Variants in ARSB observed in about 807,000 individuals in gnomAD.
The protein encoded by ARSB is arylsulfatase B, also known as N-acetylgalactosamine-4-sulfatase.
ARSB carries 41 observed loss-of-function variants against 50.9 expected under a neutral mutation model. The ratio of observed to expected loss-of-function variants is 0.81; its 90% CI spans 0.63 to 1.04. The LOEUF is 1.04. Among genes scored for constraint, ARSB ranks in the 50% least tolerant of loss-of-function variants. ARSB has a pLI of 0.00. For missense variants in ARSB, 672 were observed against 693.3 expected, an observed-to-expected ratio of 0.97 and a Z score of 0.35; for synonymous variants, 269 against 284.8, an observed-to-expected ratio of 0.94 and a Z score of 0.56.
chr5:78,820,017 A>C (rs542358241), intron 6 of ARSB, among the ~76,000 whole-genome samples: 1 of 152,238 alleles, frequency 6.6e-6, no homozygotes. Context: ...CTCCACCCTC[A>C]TGGATAGGAT....
Position 78,780,425 on chromosome 5 carries a change from G to A in ARSB, c.1574C>T (p.Ala525Val). The stretch of plus-strand genomic sequence containing the variant: ...CATCCAAGGGCCCCACACCCCAGTG[G>A]CCTTGGGATCACAGCGGGGGTCCTG... ...PAQDPRCDPK[A>V]TGVWGPWM Residue 525 changes from alanine to valine, a missense_variant, in exon 8 of 8, where the codon GCC becomes GTC. By Grantham distance (64) the Ala-to-Val change is moderately conservative (BLOSUM62 0). Transcript: ENST00000264914. 1 of 1,614,178 alleles carries A rather than the reference G, an allele frequency of 6.2e-7. No individual in the cohort carries two copies. Among genetic ancestry groups the A allele is most frequent in the Non-Finnish European group, 8.5e-7 (1 of 1,180,024 alleles).
chr5:78,834,633 A>G lies in ARSB; in HGVS notation c.1213+4723T>C, dbSNP rs1345266753. Among the ~76,000 whole-genome samples, 70 of 130,670 alleles carry G rather than the reference A, an allele frequency of 5.4e-4. 1 individual carries two copies. Among genetic ancestry groups the G allele is most frequent in the African/African-American group, 1.4e-3 (40 of 29,020 alleles). The allele number at this position is 130,670 out of a possible 152,430, so 85.7% of individuals were successfully genotyped here. ...TATATATATATATATATATATATAT[A>G]TATATATATATATGCCACATTTTGT... is the stretch of plus-strand genomic sequence containing the variant. On this transcript the variant is annotated intron_variant, in intron 6 of 7. Transcript: ENST00000264914.
At chr5:78,897,774 T>C (rs337878) in intron 4 of ARSB, among the ~76,000 whole-genome samples, 90,940 of 151,672 alleles carry the variant, frequency 0.6, 28,676 homozygotes, top group East Asian at 0.98. Flanking sequence ...ATCTAAAATA[T>C]ATTCTATAAA....
intron 6 of ARSB, chr5:78,816,189 C>G: frequency 1.2e-6 from 2 of 1,613,076 alleles, no homozygotes; most frequent in Non-Finnish European, 1.7e-6. Flanking sequence ...GACTGCATTT[C>G]TAGTCCAGGA....
intron 4 of ARSB, among the ~76,000 whole-genome samples, chr5:78,940,859 A>G (rs1750879956): frequency 6.6e-6 from 1 of 152,168 alleles, no homozygotes; most frequent in African/African-American, 2.4e-5. Context: ...CATTGAATCT[A>G]TAAATTACCT....
intron 5 of ARSB, among the ~76,000 whole-genome samples, chr5:78,859,468 T>C (rs745620217): frequency 4.6e-5 from 7 of 152,156 alleles, no homozygotes; most frequent in African/African-American, 7.2e-5. Context: ...TATGCCTTTC[T>C]TCCAATTTCC....
intron 5 of ARSB, among the ~76,000 whole-genome samples, chr5:78,852,650 G>A (rs1358307823): frequency 1.3e-5 from 2 of 152,156 alleles, no homozygotes; most frequent in African/African-American, 4.8e-5. Context: ...CCTGCAGAGT[G>A]TTTTCCAACT....
intron 4 of ARSB, among the ~76,000 whole-genome samples, chr5:78,911,048 G>A (rs73113967): frequency 6.6e-6 from 1 of 152,220 alleles, no homozygotes; most frequent in African/African-American, 2.4e-5. Flanking sequence ...AGTGTCAAGT[G>A]TGGTTGAATG....
At chr5:78,927,230 T>A (rs1185905403) in intron 4 of ARSB, among the ~76,000 whole-genome samples, 1 of 152,240 alleles carries the variant, frequency 6.6e-6, no homozygotes, top group Non-Finnish European at 1.5e-5. Context: ...CATTTCAATA[T>A]GTAATTCATA....
At chr5:78,863,009 C>G (rs996575145) in intron 5 of ARSB, among the ~76,000 whole-genome samples, 3 of 152,190 alleles carry the variant, frequency 2.0e-5, no homozygotes, top group Non-Finnish European at 2.9e-5. Context: ...GAAAAAAATG[C>G]TCATCATCAC....
intron 4 of ARSB, among the ~76,000 whole-genome samples, chr5:78,923,933 G>T (rs1204924384): frequency 6.6e-6 from 1 of 152,154 alleles, no homozygotes; most frequent in Non-Finnish European, 1.5e-5. Context: ...AGGTTCCAAG[G>T]CCTGCCCAGC....
At chr5:78,873,589 G>A (rs912424506) in intron 5 of ARSB, among the ~76,000 whole-genome samples, 40 of 135,298 alleles carry the variant, frequency 3.0e-4, no homozygotes, top group South Asian at 9.5e-4. Flanking sequence ...TCCGCCTCCC[G>A]GGTTCACGCC....
intron 6 of ARSB, among the ~76,000 whole-genome samples, chr5:78,800,001 T>G (rs1022110954): frequency 6.6e-6 from 1 of 152,018 alleles, no homozygotes. Flanking sequence ...AAACCCAGAG[T>G]TGGCTTTCTG....
chr5:78,976,092 C>T (rs954020073), intron 1 of ARSB, among the ~76,000 whole-genome samples: 5 of 151,764 alleles, frequency 3.3e-5, no homozygotes, highest in African/African-American at 4.8e-5. Context: ...AATATAAAAT[C>T]GATTTTCTCA....
chr5:78,871,319 C>T (rs965791075), intron 5 of ARSB, among the ~76,000 whole-genome samples: 4 of 152,014 alleles, frequency 2.6e-5, no homozygotes, highest in Non-Finnish European at 2.9e-5. Context: ...AAACTACTTT[C>T]AAGTTCATAT....
At chr5:78,853,484 G>A (rs1745956551) in intron 5 of ARSB, among the ~76,000 whole-genome samples, 1 of 152,226 alleles carries the variant, frequency 6.6e-6, no homozygotes. Flanking sequence ...GTGCCTCCCG[G>A]TTAGGTTGCT....
chr5:78,816,879 C>G (rs1385804182), intron 6 of ARSB: 1 of 155,686 alleles, frequency 6.4e-6, no homozygotes, highest in East Asian at 1.9e-4. Context: ...GGTTCTTCTG[C>G]AAAGCCTCCA....
intron 5 of ARSB, among the ~76,000 whole-genome samples, chr5:78,841,158 ACTACTAC>A (rs1178360534): frequency 4.6e-4 from 62 of 135,964 alleles, no homozygotes; most frequent in Admixed American, 1.0e-3. Flanking sequence ...TACTACTACT[ACTACTAC>A]TACTAATAAT....
chr5:78,985,560 TAA>T, upstream of ARSB: 2 of 194,066 alleles, frequency 1.0e-5, no homozygotes, highest in Non-Finnish European at 2.1e-5. Context: ...TGTGGTTTCC[TAA>T]AAAAAAAAGA....
Sources: gnomAD v4.1 joint callset for allele counts (sites outside exome capture counted in the v4.1 genomes callset) on GRCh38, gnomAD v4.1.1 for gene constraint, MANE v1.5 for transcripts, NCBI Gene and HGNC (gene_info 2026-07-23, HGNC 2026-07-21) for gene names.